STAT5B: variants seen among roughly 807,000 people sequenced by gnomAD.
The protein encoded by STAT5B is signal transducer and activator of transcription 5B, also known as transcription factor STAT5B.
A neutral mutation model predicts 107.8 loss-of-function variants in STAT5B; 21 were observed. That is an observed-to-expected ratio of 0.19 (90% CI 0.14 to 0.28). The LOEUF is 0.28. Ranked by LOEUF, STAT5B falls within the 10% of genes least tolerant of loss-of-function variation. The pLI is 1.00. For missense variants in STAT5B, 565 were observed against 1,008.2 expected (o/e 0.56, Z 5.95); for synonymous variants, 325 against 401.7 (o/e 0.81, Z 2.28).
rs951000884 is a variant in STAT5B, at chr17:42,257,737, T to C, written c.-11+18511A>G. 2.6e-5 allele frequency among the ~76,000 whole-genome samples: 4 copies of C among 152,150 alleles called. No homozygotes were observed. The South Asian group carries it at 8.3e-4, about 31-fold the overall frequency. The stretch of plus-strand genomic sequence containing the variant: ...ACCACACACAAATAGCAGTACAGGG[T>C]GGTAGATAGCTAGCCAATGTTTACT... On this transcript the variant is annotated intron_variant, in intron 1 of 18. Transcript: ENST00000293328.
intron 12 of STAT5B, 151 bp from the exon 13 acceptor site, chr17:42,212,341 G>T: frequency 7.5e-7 from 1 of 1,327,748 alleles, no homozygotes; most frequent in Non-Finnish European, 1.0e-6. Flanking sequence ...TGGGGTACAC[G>T]GTTCTGTGAA....
At chr17:42,275,992 G>GC (rs1241909872) in intron 1 of STAT5B, among the ~76,000 whole-genome samples, 1 of 151,704 alleles carries the variant, frequency 6.6e-6, no homozygotes, top group African/African-American at 2.4e-5. Context: ...TAAAGCGCAC[G>GC]CCCCCCGCGG....
In STAT5B at chr17:42,219,350, G is replaced by A. The variant is rs766796346; in HGVS notation, c.795C>T (p.Gly265=). The part of the protein sequence containing the change: ...WKRRQQLAGN[G]GPPEGSLDVL... ...CGTCCAGGCTGCCCTCGGGGGGCCC[G>A]CCGTTCCCGGCCAGCTGCTGCCGCC... Residue 265 remains glycine, a synonymous_variant, in exon 7 of 19, where the codon GGC becomes GGT. Transcript: ENST00000293328. The A allele has an allele frequency of 9.3e-5, 137 of 1,477,366 alleles. No individual in the cohort carries two copies. In the African/African-American group the frequency reaches 1.6e-3, roughly 17 times the overall value. 91.5% of individuals were successfully genotyped at this position (1,477,366 alleles called of 1,614,324 possible). A position where few individuals can be genotyped will look rare whatever the true frequency, so the allele number is the denominator to read the frequency against.
intron 15 of STAT5B, among the ~76,000 whole-genome samples, chr17:42,209,893 G>A (rs555057954): frequency 2.6e-4 from 39 of 152,330 alleles, no homozygotes; most frequent in African/African-American, 9.1e-4. Context: ...CTGAGATTCT[G>A]CACGGACTCT....
At chr17:42,246,281 T>G (rs1424501321) in intron 1 of STAT5B, among the ~76,000 whole-genome samples, 1 of 152,160 alleles carries the variant, frequency 6.6e-6, no homozygotes, top group East Asian at 1.9e-4. Flanking sequence ...CTGTCTTACC[T>G]GGGCAGCCTT....
intron 1 of STAT5B, among the ~76,000 whole-genome samples, chr17:42,265,542 G>A (rs1370667537): frequency 1.3e-5 from 2 of 151,696 alleles, no homozygotes; most frequent in East Asian, 1.9e-4. Context: ...TAGTAGAGAC[G>A]GGGTTTCACC....
At chr17:42,211,246 G>A (rs900575547) in intron 13 of STAT5B, among the ~76,000 whole-genome samples, 8 of 151,938 alleles carry the variant, frequency 5.3e-5, no homozygotes, top group Non-Finnish European at 1.0e-4. Context: ...GTGGACTCAC[G>A]CCTGTAATCC....
At chr17:42,215,907 T>TCA (rs771014223) in intron 12 of STAT5B, 107 bp downstream of exon 12, 33 of 1,261,662 alleles carry the variant, frequency 2.6e-5, no homozygotes, top group East Asian at 2.5e-4. Context: ...CAAGTGTGAG[T>TCA]CACTGCACCC....
At chr17:42,236,762 T>C (rs1257218425) in intron 1 of STAT5B, among the ~76,000 whole-genome samples, 1 of 152,166 alleles carries the variant, frequency 6.6e-6, no homozygotes, top group Non-Finnish European at 1.5e-5. Flanking sequence ...TCTTCATACA[T>C]GTCACAACTC....
chr17:42,257,231 AG>A (rs2080553741), intron 1 of STAT5B, among the ~76,000 whole-genome samples: 1 of 152,184 alleles, frequency 6.6e-6, no homozygotes, highest in Non-Finnish European at 1.5e-5. Context: ...TACACTTTCT[AG>A]TTTTTGTTTT....
At chr17:42,241,200 C>A (rs989223624) in intron 1 of STAT5B, among the ~76,000 whole-genome samples, 4 of 151,826 alleles carry the variant, frequency 2.6e-5, no homozygotes, top group Admixed American at 6.6e-5. Context: ...ATTAGCCAGG[C>A]GTGGTGGTGC....
At chr17:42,243,796 C>T (rs1259519808) in intron 1 of STAT5B, among the ~76,000 whole-genome samples, 1 of 152,152 alleles carries the variant, frequency 6.6e-6, no homozygotes, top group Non-Finnish European at 1.5e-5. Flanking sequence ...AAAATCTGGA[C>T]TTCTTAGGCG....
Position 42,200,839 on chromosome 17 carries a change from CA to C in STAT5B, c.*898del, listed in dbSNP as rs1447506263. 2.6e-6 allele frequency: 1 copy of C among 379,908 alleles called. No homozygotes were observed. The highest frequency in any genetic ancestry group is 4.7e-6 in the Non-Finnish European group (1 of 214,574). 23.5% of individuals were successfully genotyped at this position (379,908 alleles called of 1,614,324 possible). A position where few individuals can be genotyped will look rare whatever the true frequency, so the allele number is the denominator to read the frequency against. On this transcript the variant is annotated 3_prime_UTR_variant, in exon 19 of 19. Coordinates refer to ENST00000293328, the MANE Select transcript of STAT5B (RefSeq NM_012448.4). ...TCCGCTGGCTCAGAGAAAGGCTGGG[CA>C]GCCGGAACAGCAGCTTCCTGGGTAA...
chr17:42,252,075 T>C (rs186313948), intron 1 of STAT5B, among the ~76,000 whole-genome samples: 2 of 151,698 alleles, frequency 1.3e-5, no homozygotes, highest in East Asian at 1.9e-4. Context: ...TAAGTATGAG[T>C]TGAATGCTAG....
At chr17:42,213,940 G>A (rs960154607) in intron 12 of STAT5B, among the ~76,000 whole-genome samples, 4 of 149,906 alleles carry the variant, frequency 2.7e-5, no homozygotes, top group African/African-American at 7.3e-5. Context: ...TCAAGAATTC[G>A]AGACCAGCCT....
At chr17:42,274,398 G>T (rs2080747690) in intron 1 of STAT5B, among the ~76,000 whole-genome samples, 1 of 150,512 alleles carries the variant, frequency 6.6e-6, no homozygotes, top group South Asian at 2.1e-4. Context: ...CCTAGATAAC[G>T]CGCTTACCTG....
At chr17:42,236,259 A>T (rs1365658715) in intron 1 of STAT5B, among the ~76,000 whole-genome samples, 1 of 152,220 alleles carries the variant, frequency 6.6e-6, no homozygotes, top group Admixed American at 6.5e-5. Context: ...AAAAGTGTAA[A>T]ATAAAAGTAC....
chr17:42,262,260 A>G (rs2080605128), intron 1 of STAT5B, among the ~76,000 whole-genome samples: 2 of 152,160 alleles, frequency 1.3e-5, no homozygotes, highest in Admixed American at 6.6e-5. Context: ...TCCCAGGCTC[A>G]AGCAATCCTC....
rs2080118659 is a variant in STAT5B at position 42,210,393 on chromosome 17, T to C, written c.1775+10A>G. On this transcript the variant is annotated intron_variant, in intron 14 of 18. Transcript: ENST00000293328. ...ACTCTGTCGGCGCCTTAAGAAATAA[T>C]GATTCTCACCCATCATTCCAATGAG... 1 of 1,614,124 alleles carries C rather than the reference T, an allele frequency of 6.2e-7. No individual in the cohort carries two copies. Among genetic ancestry groups the C allele is most frequent in the Non-Finnish European group, 8.5e-7 (1 of 1,180,010 alleles).
Sources: gnomAD v4.1 joint callset for allele counts (sites outside exome capture counted in the v4.1 genomes callset) on GRCh38, gnomAD v4.1.1 for gene constraint, MANE v1.5 for transcripts, NCBI Gene and HGNC (gene_info 2026-07-23, HGNC 2026-07-21) for gene names.